The following TCIRG1 variants were observed in gnomAD, a reference collection of about 807,000 sequenced individuals.
The protein encoded by TCIRG1 is T cell immune regulator 1, ATPase H+ transporting V0 subunit a3.
TCIRG1 carries 86 observed loss-of-function variants against 95.5 expected under a neutral mutation model. That is an observed-to-expected ratio of 0.90 (90% CI 0.76 to 1.08). TCIRG1 has a LOEUF of 1.08. TCIRG1 is among the 50% of genes least tolerant of loss of function. The pLI is 0.00. For synonymous variants in TCIRG1, 499 were observed against 501.3 expected (o/e 1.00, Z 0.06); for missense variants, 1,069 against 1,140.2 (o/e 0.94, Z 0.90).
downstream of TCIRG1, among the ~76,000 whole-genome samples, chr11:68,051,694 C>T (rs1391311728): frequency 1.3e-5 from 2 of 152,164 alleles, no homozygotes; most frequent in African/African-American, 4.8e-5. Flanking sequence ...ATTCCACATG[C>T]CCAGCAGATT....
At chr11:68,052,649 C>T (rs1855837110), downstream of TCIRG1, among the ~76,000 whole-genome samples, 1 of 152,148 alleles carries the variant, frequency 6.6e-6, no homozygotes, top group South Asian at 2.1e-4. Context: ...GGGCTAGAAG[C>T]AGGGAAACCA....
intron 5 of TCIRG1, 38 bp from the exon 6 acceptor site, chr11:68,043,330 CAGG>C (rs1158496638): frequency 6.5e-7 from 1 of 1,533,984 alleles, no homozygotes. Context: ...GGAGGCAGGG[CAGG>C]AGGTTGGAGC....
Position 68,043,439 on chromosome 11 carries a change from G to A in TCIRG1, c.572G>A (p.Arg191His), listed in dbSNP as rs367703865. Residue 191 changes from arginine to histidine, a missense_variant, in exon 6 of 20, where the codon CGC becomes CAC. Coordinates refer to ENST00000265686, the MANE Select transcript of TCIRG1 (RefSeq NM_006019.4). ...ALERLLWRAC[R>H]GFLIASFREL... is the part of the protein sequence containing the mutation. ...GAGCGCCTGCTCTGGAGGGCCTGCC[G>A]CGGCTTCCTCATTGCCAGCTTCAGG... 6.1e-5 allele frequency: 95 copies of A among 1,548,280 alleles called. No individual in the cohort carries two copies. The highest frequency in any genetic ancestry group is 1.2e-4 in the South Asian group (10 of 84,114).
downstream of TCIRG1, chr11:68,052,973 C>G (rs1184588105): frequency 6.6e-6 from 1 of 152,580 alleles, no homozygotes; most frequent in African/African-American, 2.4e-5. Flanking sequence ...AAGACTGTAT[C>G]CCGCAGGACA....
chr11:68,047,791 C>A lies in TCIRG1; in HGVS notation c.1450C>A (p.Gln484Lys). The A allele has an allele frequency of 6.2e-7, 1 of 1,613,086 alleles. No homozygotes were observed. ...SGWSVAAMAN[Q>K]SGWSDAFLAQ... ...CTGGAGTGTGGCCGCCATGGCCAACCAGTCTGGCTGGAGGTGAGGCCCGGG... is the reference window on the plus strand; with the variant it reads ...CTGGAGTGTGGCCGCCATGGCCAACAAGTCTGGCTGGAGGTGAGGCCCGGG... Residue 484 changes from glutamine to lysine, a missense_variant, in exon 12 of 20, where the codon CAG becomes AAG. By Grantham distance (53) the Gln-to-Lys change is moderately conservative. Coordinates refer to ENST00000265686, the MANE Select transcript of TCIRG1 (RefSeq NM_006019.4).
intron 1 of TCIRG1, among the ~76,000 whole-genome samples, chr11:68,040,866 G>T (rs1855126440): frequency 1.3e-5 from 2 of 152,296 alleles, no homozygotes; most frequent in Admixed American, 1.3e-4. Context: ...GAGGGCTCCA[G>T]CCACCCCCGG....
At position 68,047,644 on chromosome 11, in the gene TCIRG1, C is replaced by A. The variant is rs764774078; in HGVS notation, c.1306-3C>A. The stretch of plus-strand genomic sequence containing the variant: ...GCCCCTCACCACACCACTGCCCCCC[C>A]AGATCTGGCAGACTTTCTTCAGGGG... On this transcript the variant is annotated splice_polypyrimidine_tract_variant and splice_region_variant and intron_variant, in intron 11 of 19. Transcript: ENST00000265686. 12 of 1,613,194 alleles carry A rather than the reference C, an allele frequency of 7.4e-6. No individual in the cohort carries two copies. Among genetic ancestry groups the A allele is most frequent in the South Asian group, 2.2e-5 (2 of 91,092 alleles).
At chr11:68,042,587 C>CTGCA in intron 3 of TCIRG1, 56 bp from the exon 4 acceptor site, 3 of 1,396,446 alleles carry the variant, frequency 2.1e-6, no homozygotes, top group Non-Finnish European at 2.0e-6. Flanking sequence ...GCAGGTGGGG[C>CTGCA]CCTCAACTGT....
chr11:68,048,756 T>A, intron 13 of TCIRG1, 123 bp from the exon 14 acceptor site: 1 of 823,212 alleles, frequency 1.2e-6, no homozygotes, highest in South Asian at 1.3e-5. Flanking sequence ...GGGTGGGTGA[T>A]GGATGAGGCT....
At chr11:68,041,688 C>T in intron 2 of TCIRG1, 65 bp from the exon 3 acceptor site, 1 of 1,381,394 alleles carries the variant, frequency 7.2e-7, no homozygotes, top group South Asian at 1.2e-5. Flanking sequence ...CAGGCCTGGG[C>T]TCTAGGGTGA....
At chr11:68,045,344 G>C in intron 10 of TCIRG1, among the ~76,000 whole-genome samples, 1 of 152,268 alleles carries the variant, frequency 6.6e-6, no homozygotes. Context: ...CTTGTGCAAA[G>C]AACAGAGGCT....
At chr11:68,045,581 T>G (rs1590808913) in intron 10 of TCIRG1, among the ~76,000 whole-genome samples, 1 of 148,484 alleles carries the variant, frequency 6.7e-6, no homozygotes, top group Non-Finnish European at 1.5e-5. Flanking sequence ...TGAGATAGAG[T>G]CTTGCTCAGT....
At chr11:68,052,231 G>A (rs1230092945), downstream of TCIRG1, 1 of 152,334 alleles carries the variant, frequency 6.6e-6, no homozygotes, top group Non-Finnish European at 1.5e-5. Context: ...CCAGGGCCGG[G>A]CCCAGGGTGG....
rs372063415 is a variant in TCIRG1, at chr11:68,047,560, C to T, written c.1293C>T (p.Ala431=). Residue 431 remains alanine (A), a synonymous_variant, in exon 11 of 20, where the codon GCC becomes GCT. Transcript: ENST00000265686. The stretch of plus-strand genomic sequence containing the variant: ...CGGAGAACCGACCGGCTGTGAAGGC[C>T]GCGCAGAACGAGGTGAGGGGCGGGG... The part of the protein sequence containing the change: ...VLAENRPAVK[A]AQNEIWQTFF... The T allele has an allele frequency of 8.1e-6, 13 of 1,613,668 alleles. No individual in the cohort carries two copies. The highest frequency in any genetic ancestry group is 2.2e-5 in the East Asian group (1 of 44,876).
intron 10 of TCIRG1, chr11:68,047,061 A>AATG: frequency 2.6e-6 from 1 of 382,898 alleles, no homozygotes. Context: ...CGCAGGCTGG[A>AATG]GTGCAGTGGC....
intron 10 of TCIRG1, among the ~76,000 whole-genome samples, chr11:68,045,625 C>T (rs1455925115): frequency 2.0e-5 from 3 of 151,738 alleles, no homozygotes; most frequent in Admixed American, 2.0e-4. Flanking sequence ...ATGATCTCGG[C>T]TCACTGAAAC....
At chr11:68,052,855 G>A (rs1408267936), downstream of TCIRG1, 24 of 152,248 alleles carry the variant, frequency 1.6e-4, no homozygotes, top group Admixed American at 1.6e-3. Flanking sequence ...GTGACAGCTT[G>A]AGGTTGGGTT....
At position 68,043,515 on chromosome 11, in the gene TCIRG1, G is replaced by C. The variant is rs1295246300; in HGVS notation, c.630+18G>C. ...CCGTGACGGTGAGCAGCTGGCGCTG[G>C]GCTGGGGGGTCCTGGGCAGAGCGGG... is the stretch of plus-strand genomic sequence containing the variant. On this transcript the variant is annotated intron_variant, in intron 6 of 19. Transcript: ENST00000265686. 5.7e-6 allele frequency: 9 copies of C among 1,581,256 alleles called. No homozygotes were observed. The highest frequency in any genetic ancestry group is 6.9e-6 in the Non-Finnish European group (8 of 1,164,102).
intron 10 of TCIRG1, 49 bp downstream of exon 10, chr11:68,045,151 C>T: frequency 4.4e-6 from 7 of 1,597,588 alleles, no homozygotes; most frequent in Non-Finnish European, 5.9e-6. Flanking sequence ...TCAGCTGCCC[C>T]ACTGGGTGGG....
Sources: gnomAD v4.1 joint callset for allele counts (sites outside exome capture counted in the v4.1 genomes callset) on GRCh38, gnomAD v4.1.1 for gene constraint, MANE v1.5 for transcripts, NCBI Gene and HGNC (gene_info 2026-07-23, HGNC 2026-07-21) for gene names.